The following ZNF704 variants were observed in gnomAD, a reference collection of about 807,000 sequenced individuals.
ZNF704 encodes the protein glucocorticoid induced gene 1.
A neutral mutation model predicts 44.7 loss-of-function variants in ZNF704; 10 were observed. The observed-to-expected ratio is 0.22, with a 90% confidence interval of 0.14 to 0.38. The LOEUF is 0.38. ZNF704 is among the 10% of genes least tolerant of loss of function. The pLI is 1.00. For synonymous variants in ZNF704, 211 were observed against 207.6 expected (o/e 1.02, Z -0.14); for missense variants, 390 against 545.5 (o/e 0.71, Z 2.84).
At chr8:80,827,425 C>T (rs1056365362) in intron 1 of ZNF704, among the ~76,000 whole-genome samples, 1 of 152,044 alleles carries the variant, frequency 6.6e-6, no homozygotes, top group Non-Finnish European at 1.5e-5. Context: ...TAGAAGAGGA[C>T]ACAAACAAAT....
At chr8:80,779,090 C>T (rs920556106) in intron 2 of ZNF704, among the ~76,000 whole-genome samples, 1 of 151,218 alleles carries the variant, frequency 6.6e-6, no homozygotes, top group Non-Finnish European at 1.5e-5. Flanking sequence ...CTTCCTCCCT[C>T]CCCCTCTTCC....
chr8:80,789,396 T>C (rs904680076), intron 2 of ZNF704, among the ~76,000 whole-genome samples: 5 of 152,126 alleles, frequency 3.3e-5, no homozygotes, highest in African/African-American at 1.2e-4. Context: ...GGTATTGTAA[T>C]GTGCTAAGTT....
intron 6 of ZNF704, among the ~76,000 whole-genome samples, chr8:80,663,750 A>G (rs1818139507): frequency 6.6e-6 from 1 of 152,002 alleles, no homozygotes; most frequent in Admixed American, 6.6e-5. Flanking sequence ...TTTTTGAGAC[A>G]GGGTCTTACT....
intron 2 of ZNF704, among the ~76,000 whole-genome samples, chr8:80,739,362 G>A (rs1203548121): frequency 6.6e-6 from 1 of 152,054 alleles, no homozygotes; most frequent in Admixed American, 6.5e-5. Context: ...TGGAGAGGTG[G>A]GCAGAAAGCC....
chr8:80,739,446 G>A (rs1327004315), intron 2 of ZNF704, among the ~76,000 whole-genome samples: 1 of 150,362 alleles, frequency 6.7e-6, no homozygotes, highest in Non-Finnish European at 1.5e-5. Context: ...GCAGCCCAAA[G>A]GAAAGGGCTA....
chr8:80,848,242 A>G (rs78058449), intron 1 of ZNF704, among the ~76,000 whole-genome samples: 1,794 of 152,326 alleles, frequency 0.012, 32 homozygotes, highest in African/African-American at 0.041. Flanking sequence ...GGAACGGCGG[A>G]GAGGCAAGGA....
At chr8:80,869,128 T>C (rs1429624920) in intron 1 of ZNF704, among the ~76,000 whole-genome samples, 4 of 152,240 alleles carry the variant, frequency 2.6e-5, no homozygotes, top group African/African-American at 7.2e-5. Context: ...GGATATGTAA[T>C]GAAATTTAAA....
At chr8:80,767,603 C>T (rs1381872722) in intron 2 of ZNF704, among the ~76,000 whole-genome samples, 1 of 152,154 alleles carries the variant, frequency 6.6e-6, no homozygotes, top group Non-Finnish European at 1.5e-5. Context: ...TGCTTAATGT[C>T]TGAAATTGGT....
intron 4 of ZNF704, among the ~76,000 whole-genome samples, chr8:80,675,677 GATA>G (rs1818353992): frequency 6.6e-6 from 1 of 152,150 alleles, no homozygotes; most frequent in East Asian, 1.9e-4. Context: ...TATGAGGAAT[GATA>G]AGAGGGATGG....
intron 2 of ZNF704, among the ~76,000 whole-genome samples, chr8:80,772,175 T>C (rs1327573536): frequency 6.6e-6 from 1 of 152,208 alleles, no homozygotes; most frequent in Non-Finnish European, 1.5e-5. Flanking sequence ...CTCTGTATTC[T>C]TATTTTTTTT....
chr8:80,723,870 C>G (rs1390678669), intron 2 of ZNF704, among the ~76,000 whole-genome samples: 1 of 152,132 alleles, frequency 6.6e-6, no homozygotes, highest in Non-Finnish European at 1.5e-5. Context: ...TCCAGGGAGC[C>G]GACTGATAGA....
intron 3 of ZNF704, among the ~76,000 whole-genome samples, chr8:80,690,466 C>G (rs1435596895): frequency 1.3e-5 from 2 of 152,074 alleles, no homozygotes; most frequent in African/African-American, 4.8e-5. Flanking sequence ...GAGTCTTGCT[C>G]TGTCACTCAG....
intron 2 of ZNF704, among the ~76,000 whole-genome samples, chr8:80,745,954 G>A (rs534527438): frequency 2.0e-5 from 3 of 152,304 alleles, no homozygotes; most frequent in Admixed American, 2.0e-4. Flanking sequence ...TCTGTCAAGG[G>A]AAAGTAGATT....
At chr8:80,660,215 G>C (rs1818077392) in intron 6 of ZNF704, among the ~76,000 whole-genome samples, 2 of 152,172 alleles carry the variant, frequency 1.3e-5, no homozygotes, top group Non-Finnish European at 2.9e-5. Context: ...GCTCATGCCT[G>C]TAATCCCAGC....
chr8:80,828,520 G>A (rs908871021), intron 1 of ZNF704, among the ~76,000 whole-genome samples: 1 of 152,138 alleles, frequency 6.6e-6, no homozygotes, highest in Non-Finnish European at 1.5e-5. Context: ...GACATTTCAT[G>A]GGCCTGTGAT....
At chr8:80,690,532 C>T (rs922888004) in intron 3 of ZNF704, among the ~76,000 whole-genome samples, 1 of 152,178 alleles carries the variant, frequency 6.6e-6, no homozygotes, top group African/African-American at 2.4e-5. Flanking sequence ...TAGGCCGGGA[C>T]TACAGGCGTG....
At chr8:80,877,186 A>G (rs563459182), upstream of ZNF704, among the ~76,000 whole-genome samples, 5 of 29,418 alleles carry the variant, frequency 1.7e-4, no homozygotes, top group South Asian at 1.6e-3. Context: ...TCTGAATGGG[A>G]AAAAAAAAAA....
At chr8:80,852,099 A>T (rs985851977) in intron 1 of ZNF704, among the ~76,000 whole-genome samples, 1 of 152,214 alleles carries the variant, frequency 6.6e-6, no homozygotes, top group African/African-American at 2.4e-5. Context: ...GCCCCCAGCC[A>T]GTAGGGACCC....
chr8:80,643,289 G>C (rs1007181787), intron 7 of ZNF704, among the ~76,000 whole-genome samples, 160 bp from the exon 8 acceptor site: 1 of 152,072 alleles, frequency 6.6e-6, no homozygotes, highest in African/African-American at 2.4e-5. Flanking sequence ...GGAGGCCAAG[G>C]AGGGCGGATC....
Sources: gnomAD v4.1 joint callset for allele counts (sites outside exome capture counted in the v4.1 genomes callset) on GRCh38, gnomAD v4.1.1 for gene constraint, MANE v1.5 for transcripts, NCBI Gene and HGNC (gene_info 2026-07-23, HGNC 2026-07-21) for gene names.